BCKDHB: variants seen among roughly 807,000 people sequenced by gnomAD.
BCKDHB encodes 2-oxoisovalerate dehydrogenase subunit beta, mitochondrial.
BCKDHB carries 41 observed loss-of-function variants against 48.5 expected under a neutral mutation model. The observed-to-expected ratio is 0.85, with a 90% CI of 0.66 to 1.10. BCKDHB has a LOEUF of 1.10. Ranked by LOEUF, BCKDHB falls within the 50% of genes least tolerant of loss-of-function variation. The pLI is 0.00. For missense variants in BCKDHB, 496 were observed against 494.2 expected (o/e 1.00, Z -0.03); for synonymous variants, 201 against 174.8 (o/e 1.15, Z -1.18).
rs576850846 is a variant in BCKDHB at position 80,277,893 on chromosome 6, T to C, written c.1038+4672T>C. Among the ~76,000 whole-genome samples, 11 of 152,258 alleles carry C rather than the reference T, an allele frequency of 7.2e-5. No homozygotes were observed. The East Asian group carries it at 1.5e-3, about 21-fold the overall frequency. ...CAAGTCATTATGTAAAAGAAAACTTTTAATAACTTTCAAGTTAAAGGAATT... is the reference window on the plus strand; with the variant it reads ...CAAGTCATTATGTAAAAGAAAACTTCTAATAACTTTCAAGTTAAAGGAATT... On this transcript the variant is annotated intron_variant, in intron 9 of 9. Transcript: ENST00000320393.
chr6:80,292,087 T>C (rs74952921), intron 9 of BCKDHB, among the ~76,000 whole-genome samples: 9,417 of 152,198 alleles, frequency 0.062, 970 homozygotes, highest in African/African-American at 0.21. Context: ...GGGCCTGTCA[T>C]ACAGTGACAT....
rs139632493 is a variant in BCKDHB at position 80,239,538 on chromosome 6, C to G, written c.952-33597C>G. Among the ~76,000 whole-genome samples, 140 of 152,156 alleles carry G rather than the reference C, an allele frequency of 9.2e-4. 2 individuals are homozygous for G. In the East Asian group the frequency reaches 0.026, roughly 28 times the overall value. ...GATGAGTAGATTGCAAAATTTTTCT[C>G]CCATTCTGTAGGTTGCCTATTCACT... On this transcript the variant is annotated intron_variant, in intron 8 of 9. Coordinates refer to ENST00000320393, the MANE Select transcript of BCKDHB (RefSeq NM_183050.4).
At chr6:80,330,765 G>A (rs950574349) in intron 9 of BCKDHB, among the ~76,000 whole-genome samples, 2 of 152,144 alleles carry the variant, frequency 1.3e-5, no homozygotes, top group East Asian at 1.9e-4. Flanking sequence ...CAAGAGCTAC[G>A]TGGAAGCATG....
At chr6:80,425,044 G>GA in the BCKDHB span, among the ~76,000 whole-genome samples, 1 of 152,158 alleles carries the variant, frequency 6.6e-6, no homozygotes, top group East Asian at 1.9e-4. Context: ...ATGACTGTCT[G>GA]AAAAAGACTT....
the BCKDHB span, among the ~76,000 whole-genome samples, chr6:80,455,094 C>T: frequency 2.0e-5 from 3 of 152,070 alleles, no homozygotes; most frequent in Admixed American, 6.6e-5. Flanking sequence ...AAGCATCCTG[C>T]GTTTAACATT....
intron 9 of BCKDHB, among the ~76,000 whole-genome samples, chr6:80,286,845 T>C (rs1430847717): frequency 1.3e-5 from 2 of 152,168 alleles, no homozygotes; most frequent in Admixed American, 6.5e-5. Context: ...TGATTACTTA[T>C]ATTTATCTTT....
At chr6:80,214,890 A>G (rs1438994203) in intron 8 of BCKDHB, among the ~76,000 whole-genome samples, 1 of 152,206 alleles carries the variant, frequency 6.6e-6, no homozygotes, top group Non-Finnish European at 1.5e-5. Flanking sequence ...GACTATTGCT[A>G]GGTAAAATTA....
intron 8 of BCKDHB, among the ~76,000 whole-genome samples, chr6:80,239,889 G>A (rs1263176694): frequency 6.6e-6 from 1 of 152,070 alleles, no homozygotes; most frequent in Non-Finnish European, 1.5e-5. Context: ...TTTATGTCAG[G>A]TTTGTCAAAG....
chr6:80,252,481 T>A (rs651065), intron 8 of BCKDHB, among the ~76,000 whole-genome samples: 138,601 of 152,186 alleles, frequency 0.91, 63,191 homozygotes, highest in East Asian at 0.99. Flanking sequence ...CCACATTTTG[T>A]CAAGGTTATT....
chr6:80,311,825 G>C (rs1234297581), intron 9 of BCKDHB, among the ~76,000 whole-genome samples: 1 of 152,150 alleles, frequency 6.6e-6, no homozygotes, highest in African/African-American at 2.4e-5. Context: ...GTTGTTTACT[G>C]TAGCCTTGTA....
At chr6:80,157,088 G>A (rs956494446) in intron 3 of BCKDHB, among the ~76,000 whole-genome samples, 4 of 152,024 alleles carry the variant, frequency 2.6e-5, no homozygotes, top group African/African-American at 9.7e-5. Context: ...AGAAACCTCA[G>A]TCTATGATAC....
In BCKDHB at chr6:80,213,224, A is replaced by C. The variant is rs555124976; in HGVS notation, c.951+10012A>C. ...GAATAAATACATTAGTTTATTCTAA[A>C]TTGAAATATTTATTTAAAAGTTTTA... is the stretch of plus-strand genomic sequence containing the variant. On this transcript the variant is annotated intron_variant, in intron 8 of 9. Coordinates refer to ENST00000320393, the MANE Select transcript of BCKDHB (RefSeq NM_183050.4). Among the ~76,000 whole-genome samples, 3 of 152,310 alleles carry C rather than the reference A, an allele frequency of 2.0e-5. No individual in the cohort carries two copies. The South Asian group carries it at 6.2e-4, about 32-fold the overall frequency.
At chr6:80,367,656 G>A in the BCKDHB span, among the ~76,000 whole-genome samples, 8 of 152,208 alleles carry the variant, frequency 5.3e-5, no homozygotes, top group Non-Finnish European at 7.3e-5. Context: ...ACAAGTTCTG[G>A]TTTGAACAGA....
the BCKDHB span, among the ~76,000 whole-genome samples, chr6:80,353,363 G>A: frequency 1.3e-5 from 2 of 152,098 alleles, no homozygotes; most frequent in African/African-American, 2.4e-5. Context: ...GTATCTTTTT[G>A]ATACACTGAT....
At chr6:80,390,429 T>C in the BCKDHB span, among the ~76,000 whole-genome samples, 1 of 152,240 alleles carries the variant, frequency 6.6e-6, no homozygotes, top group Non-Finnish European at 1.5e-5. Context: ...ATGTGACCAG[T>C]TGCAGAAACA....
intron 1 of BCKDHB, among the ~76,000 whole-genome samples, chr6:80,114,296 T>C (rs1360630889): frequency 6.6e-6 from 1 of 151,922 alleles, no homozygotes; most frequent in East Asian, 1.9e-4. Flanking sequence ...TTGTCTAGGC[T>C]GGAGTGCAGT....
At chr6:80,332,543 C>G (rs969963279) in intron 9 of BCKDHB, among the ~76,000 whole-genome samples, 1 of 151,880 alleles carries the variant, frequency 6.6e-6, no homozygotes, top group East Asian at 1.9e-4. Flanking sequence ...AACTTGTAAA[C>G]TATGTTTATG....
chr6:80,110,773 T>C (rs1485335327), intron 1 of BCKDHB, among the ~76,000 whole-genome samples: 1 of 152,232 alleles, frequency 6.6e-6, no homozygotes, highest in Non-Finnish European at 1.5e-5. Context: ...AGTAATACCT[T>C]AGCTGTGGAT....
intron 6 of BCKDHB, among the ~76,000 whole-genome samples, chr6:80,177,833 T>A (rs904801696): frequency 3.3e-5 from 5 of 152,200 alleles, no homozygotes; most frequent in African/African-American, 1.2e-4. Flanking sequence ...CAAGTTAACT[T>A]GTCAACTTTA....
Sources: gnomAD v4.1 joint callset for allele counts (sites outside exome capture counted in the v4.1 genomes callset) on GRCh38, gnomAD v4.1.1 for gene constraint, MANE v1.5 for transcripts, NCBI Gene and HGNC (gene_info 2026-07-23, HGNC 2026-07-21) for gene names.